The following TRAPPC10 variants were observed in gnomAD, a reference collection of about 807,000 sequenced individuals.
The protein encoded by TRAPPC10 is trafficking protein particle complex subunit 10.
In TRAPPC10, 23 loss-of-function variants were observed where a neutral mutation model predicts 125.5. The observed-to-expected ratio is 0.18, with a 90% CI of 0.13 to 0.26. TRAPPC10 has a LOEUF of 0.26. Ranked by LOEUF, TRAPPC10 falls within the 10% of genes least tolerant of loss-of-function variation. The pLI is 1.00. For missense variants in TRAPPC10, 1,123 were observed against 1,308.4 expected, an observed-to-expected ratio of 0.86 and a Z score of 2.19; for synonymous variants, 509 against 518.0, an observed-to-expected ratio of 0.98 and a Z score of 0.24.
At chr21:44,074,499 C>T (rs755356650) in intron 8 of TRAPPC10, 29 bp downstream of exon 8, 12 of 1,613,340 alleles carry the variant, frequency 7.4e-6, no homozygotes, top group African/African-American at 1.3e-5. Flanking sequence ...GTGGAATGCT[C>T]ACGTTGTCTC....
intron 19 of TRAPPC10, 74 bp from the exon 20 acceptor site, chr21:44,093,989 G>A (rs1345319018): frequency 1.3e-6 from 2 of 1,486,260 alleles, no homozygotes; most frequent in Non-Finnish European, 1.8e-6. Flanking sequence ...CATGGCGTGT[G>A]TTTCGCTGCA....
In TRAPPC10 at chr21:44,063,526, G is replaced by A. The variant is rs1384842689; in HGVS notation, c.791-12G>A. ...CTGCAATCAGCACCTTTCATGATGT[G>A]TGTTTGTTTAGATGGTGCCAACTGG... On this transcript the variant is annotated splice_polypyrimidine_tract_variant and intron_variant, in intron 6 of 22. Coordinates refer to ENST00000291574, the MANE Select transcript of TRAPPC10 (RefSeq NM_003274.5). This position sits in a 1 kb window ranked among gnomAD's most constrained non-coding sequence, Gnocchi z 4.4. 8 of 1,613,668 alleles carry A rather than the reference G, an allele frequency of 5.0e-6. No individual in the cohort carries two copies. The highest frequency in any genetic ancestry group is 1.3e-5 in the African/African-American group (1 of 75,062).
At chr21:44,085,533 A>G (rs1168994935) in intron 15 of TRAPPC10, among the ~76,000 whole-genome samples, 4 of 152,124 alleles carry the variant, frequency 2.6e-5, no homozygotes, top group South Asian at 2.1e-4. Flanking sequence ...AAATAAAAAA[A>G]TGAAGTAAAT....
At position 44,080,174 on chromosome 21, in the gene TRAPPC10, C is replaced by T. The variant is rs150630897; in HGVS notation, c.1723+47C>T. 1.8e-5 allele frequency: 28 copies of T among 1,515,260 alleles called. No individual in the cohort carries two copies. In the Admixed American group the frequency reaches 2.8e-4, roughly 15 times the overall value. The allele number at this position is 1,515,260 out of a possible 1,614,324, so 93.9% of individuals were successfully genotyped here. A position where few individuals can be genotyped will look rare whatever the true frequency, so the allele number is the denominator to read the frequency against. On this transcript the variant is annotated intron_variant, in intron 13 of 22. Transcript: ENST00000291574. ...TGACTAGGAATATTTTCAAATATTA[C>T]AGAAGTAAAAAAGAATACAAGATAT...
chr21:44,092,290 T>G (rs773051504), intron 19 of TRAPPC10, among the ~76,000 whole-genome samples: 1 of 152,206 alleles, frequency 6.6e-6, no homozygotes, highest in Non-Finnish European at 1.5e-5. Flanking sequence ...CTGGTCCCAC[T>G]CTATGCGTAG....
At chr21:44,089,253 G>A (rs1474984539) in intron 17 of TRAPPC10, 2 of 341,800 alleles carry the variant, frequency 5.9e-6, no homozygotes, top group Non-Finnish European at 1.2e-5. Flanking sequence ...CTGTGTGCTG[G>A]GGTATTCACC....
At chr21:44,044,851 G>T (rs2034668196) in intron 3 of TRAPPC10, among the ~76,000 whole-genome samples, 1 of 151,744 alleles carries the variant, frequency 6.6e-6, no homozygotes, top group South Asian at 2.1e-4. Context: ...TTTTAGTAGA[G>T]ATGGGGTTTC....
At chr21:44,052,691 C>T (rs1330215491) in intron 4 of TRAPPC10, among the ~76,000 whole-genome samples, 6 of 151,750 alleles carry the variant, frequency 4.0e-5, no homozygotes, top group Non-Finnish European at 5.9e-5. Flanking sequence ...CTGGGAGGAG[C>T]GGGTCTTGGG....
chr21:44,054,057 G>A (rs886166218), intron 4 of TRAPPC10, among the ~76,000 whole-genome samples: 3 of 152,138 alleles, frequency 2.0e-5, no homozygotes, highest in South Asian at 2.1e-4. Context: ...CCCTGTAGGC[G>A]CACAGGAGAA....
At chr21:44,083,608 C>T (rs1172409391) in intron 14 of TRAPPC10, among the ~76,000 whole-genome samples, 1 of 152,064 alleles carries the variant, frequency 6.6e-6, no homozygotes, top group East Asian at 1.9e-4. Flanking sequence ...AAATACACAC[C>T]CTCATTTGTT....
chr21:44,071,016 G>A (rs2145987587), intron 7 of TRAPPC10, among the ~76,000 whole-genome samples: 1 of 152,316 alleles, frequency 6.6e-6, no homozygotes, highest in Middle Eastern at 3.4e-3. Context: ...AATAAACTGT[G>A]GCCAACTTGT....
At chr21:44,034,121 G>A (rs1243723481) in intron 2 of TRAPPC10, among the ~76,000 whole-genome samples, 3 of 152,178 alleles carry the variant, frequency 2.0e-5, no homozygotes, top group Non-Finnish European at 4.4e-5. Context: ...GGAATTGGGA[G>A]AGAAAGCTGA....
intron 19 of TRAPPC10, among the ~76,000 whole-genome samples, chr21:44,093,295 A>G (rs1249629064): frequency 1.3e-5 from 2 of 151,380 alleles, no homozygotes; most frequent in Non-Finnish European, 2.9e-5. Flanking sequence ...CCATCTCTAC[A>G]AATACAAAAA....
chr21:44,065,045 C>G (rs1400265668), intron 7 of TRAPPC10, among the ~76,000 whole-genome samples: 2 of 152,144 alleles, frequency 1.3e-5, no homozygotes, highest in African/African-American at 2.4e-5. Context: ...GCTCTCTGTT[C>G]ATGTGTACCT....
At chr21:44,061,056 G>A (rs2036013882) in intron 6 of TRAPPC10, among the ~76,000 whole-genome samples, 1 of 152,006 alleles carries the variant, frequency 6.6e-6, no homozygotes, top group Non-Finnish European at 1.5e-5. Flanking sequence ...TCTTGCCTCA[G>A]CCTCCCAAAT....
chr21:44,064,387 A>C (rs933632480), intron 7 of TRAPPC10, among the ~76,000 whole-genome samples: 4 of 151,964 alleles, frequency 2.6e-5, no homozygotes, highest in African/African-American at 9.7e-5. Context: ...AGATAAATTC[A>C]CCCAAGCACT....
chr21:44,020,629 G>C (rs2032411979), intron 1 of TRAPPC10, among the ~76,000 whole-genome samples: 1 of 151,780 alleles, frequency 6.6e-6, no homozygotes, highest in Non-Finnish European at 1.5e-5. Flanking sequence ...GTGAGACCCT[G>C]TCTCAAAAAA....
chr21:44,040,868 A>G (rs1246886302), intron 3 of TRAPPC10, among the ~76,000 whole-genome samples: 1 of 150,624 alleles, frequency 6.6e-6, no homozygotes, highest in Non-Finnish European at 1.5e-5. Flanking sequence ...CTCCTGCCTC[A>G]GTCCCCTGAA....
chr21:44,019,487 A>C (rs1601548706), intron 1 of TRAPPC10, among the ~76,000 whole-genome samples: 1 of 152,170 alleles, frequency 6.6e-6, no homozygotes, highest in Non-Finnish European at 1.5e-5. Context: ...ATCTGCTCTT[A>C]ATGTCAAATA....
Sources: gnomAD v4.1 joint callset for allele counts (sites outside exome capture counted in the v4.1 genomes callset) on GRCh38, gnomAD v4.1.1 for gene constraint, Gnocchi (gnomAD v3.1) non-coding constraint, MANE v1.5 for transcripts, NCBI Gene and HGNC (gene_info 2026-07-23, HGNC 2026-07-21) for gene names.